Variants in BTD observed in about 807,000 individuals in gnomAD.
BTD encodes biocytinase.
BTD carries 13 observed loss-of-function variants against 17.7 expected under a neutral mutation model. That is an observed-to-expected ratio of 0.74 (90% CI 0.48 to 1.17). The LOEUF (loss-of-function observed/expected upper bound fraction) is 1.17, where lower values mean the gene tolerates loss of function less well. BTD is among the 50% of genes most tolerant of loss of function. The pLI, the probability that BTD is intolerant of heterozygous loss-of-function variation, is 0.00. For missense variants in BTD, 674 were observed against 650.4 expected, an observed-to-expected ratio of 1.04 and a Z score of -0.39; for synonymous variants, 240 against 245.2, an observed-to-expected ratio of 0.98 and a Z score of 0.20.
At chr3:15,612,695 T>G (rs953136205) in intron 1 of BTD, among the ~76,000 whole-genome samples, 2 of 152,124 alleles carry the variant, frequency 1.3e-5, no homozygotes, top group African/African-American at 4.8e-5. Flanking sequence ...TAATTTTTTT[T>G]TTTTTTGCTT....
At chr3:15,658,817 G>A (rs1309480613) in intron 3 of BTD, among the ~76,000 whole-genome samples, 2 of 152,132 alleles carry the variant, frequency 1.3e-5, no homozygotes, top group Admixed American at 1.3e-4. Context: ...ATACTTTTGG[G>A]AATCAACTCA....
chr3:15,708,475 A>G (rs889976437), intron 3 of BTD, among the ~76,000 whole-genome samples: 1 of 152,178 alleles, frequency 6.6e-6, no homozygotes, highest in Non-Finnish European at 1.5e-5. Flanking sequence ...AACAAAAGGT[A>G]AGAGAAAAAA....
intron 3 of BTD, among the ~76,000 whole-genome samples, chr3:15,671,032 G>T (rs971031132): frequency 6.6e-6 from 1 of 152,210 alleles, no homozygotes; most frequent in Non-Finnish European, 1.5e-5. Flanking sequence ...ACAGCTTCAT[G>T]AATCAGCCAC....
chr3:15,641,979 A>G lies in BTD; in HGVS notation c.321A>G (p.Pro107=). The G allele has an allele frequency of 1.2e-6, 2 of 1,614,076 alleles. No homozygotes were observed. Among genetic ancestry groups the G allele is most frequent in the Non-Finnish European group, 1.7e-6 (2 of 1,180,016 alleles). ...GFNFTRTSIY[P]FLDFMPSPQV... ...ACTTTACAAGAACATCCATTTATCC[A>G]TTTTTGGACTTCATGCCGTCTCCCC... Residue 107 remains proline, a synonymous_variant, in exon 3 of 4, where the codon CCA becomes CCG. Transcript: ENST00000643237.
chr3:15,715,548 T>G (rs1334838090), downstream of BTD, among the ~76,000 whole-genome samples: 1 of 152,182 alleles, frequency 6.6e-6, no homozygotes, highest in Non-Finnish European at 1.5e-5. Flanking sequence ...TTTACAGAAG[T>G]TCTAATCTTT....
At chr3:15,659,910 G>C (rs894549885) in intron 3 of BTD, among the ~76,000 whole-genome samples, 1 of 152,162 alleles carries the variant, frequency 6.6e-6, no homozygotes, top group African/African-American at 2.4e-5. Context: ...TGAGGTTCAG[G>C]GAGGTTTAAT....
intron 3 of BTD, chr3:15,686,248 T>G (rs1212996589): frequency 6.3e-7 from 1 of 1,593,768 alleles, no homozygotes; most frequent in Admixed American, 1.8e-5. Flanking sequence ...GAATATCCAC[T>G]GCATTCTGTG....
rs143207644 is a variant in BTD, at chr3:15,643,714, G to A, written c.400-602G>A. ...CAGTAGTGGTTGCTTTTTTCTTATTGATTTATGATAGCTGTTTATTATGGA... is the reference window on the plus strand; with the variant it reads ...CAGTAGTGGTTGCTTTTTTCTTATTAATTTATGATAGCTGTTTATTATGGA... On this transcript the variant is annotated intron_variant, in intron 3 of 3. Coordinates refer to ENST00000643237, the MANE Select transcript of BTD (RefSeq NM_001370658.1). Among the ~76,000 whole-genome samples the A allele has an allele frequency of 4.5e-3, 678 of 151,356 alleles. 7 individuals are homozygous for A. The highest frequency in any genetic ancestry group is 0.015 in the South Asian group (74 of 4,796).
chr3:15,675,479 T>C (rs2066842131), intron 3 of BTD, among the ~76,000 whole-genome samples: 1 of 152,114 alleles, frequency 6.6e-6, no homozygotes, highest in South Asian at 2.1e-4. Flanking sequence ...CGAAAAATGT[T>C]ACTCCAGGAC....
chr3:15,709,404 AG>A (rs532525520), intron 3 of BTD, among the ~76,000 whole-genome samples: 1 of 151,854 alleles, frequency 6.6e-6, no homozygotes, highest in South Asian at 2.1e-4. Context: ...TAATTTTTGG[AG>A]GGGGGGAAGT....
At chr3:15,718,814 C>T (rs1239769581) in intron 4 of BTD, among the ~76,000 whole-genome samples, 6 of 152,162 alleles carry the variant, frequency 3.9e-5, no homozygotes, top group Admixed American at 2.6e-4. Context: ...TTGGTTGTGA[C>T]GTTTGCTTTT....
chr3:15,714,544 A>AAC (rs2072763010), downstream of BTD: 4 of 1,496,708 alleles, frequency 2.7e-6, no homozygotes, highest in Non-Finnish European at 3.6e-6. Flanking sequence ...AAAAAAAAAA[A>AAC]AAACCCCAAA....
chr3:15,605,566 G>A (rs1290588174), intron 1 of BTD, among the ~76,000 whole-genome samples: 2 of 152,034 alleles, frequency 1.3e-5, no homozygotes, highest in African/African-American at 4.8e-5. Context: ...ACTCTAGAAT[G>A]TATCCATATT....
chr3:15,675,003 C>T (rs111397259), intron 3 of BTD, among the ~76,000 whole-genome samples: 2,919 of 152,208 alleles, frequency 0.019, 97 homozygotes, highest in African/African-American at 0.066. Flanking sequence ...GACGCTGTGG[C>T]TCACACCTGT....
chr3:15,645,092 A>G lies in BTD; in HGVS notation c.1176A>G (p.Glu392=). The G allele has an allele frequency of 6.2e-7, 1 of 1,614,192 alleles. No homozygotes were observed. Among genetic ancestry groups the G allele is most frequent in the Non-Finnish European group, 8.5e-7 (1 of 1,180,038 alleles). ...CCCTGGTCCCTGTCTGGGGAAAGGA[A>G]GGCTATCTCCACGTCTGTTCCAATG... ...NFTLVPVWGK[E]GYLHVCSNGL... The change falls in exon 4 of 4, where the codon GAA becomes GAG. Residue 392 remains glutamate, a synonymous_variant. Coordinates refer to ENST00000643237, the MANE Select transcript of BTD (RefSeq NM_001370658.1).
At chr3:15,694,822 G>A in intron 3 of BTD, 1 of 1,612,518 alleles carries the variant, frequency 6.2e-7, no homozygotes, top group Non-Finnish European at 8.5e-7. Context: ...AACTGAAAAA[G>A]AAGAGGCATT....
chr3:15,696,180 G>T (rs753089051), intron 3 of BTD: 1 of 1,594,824 alleles, frequency 6.3e-7, no homozygotes, highest in East Asian at 2.2e-5. Context: ...ATAATGAACT[G>T]CGTTGTATCC....
In BTD at chr3:15,635,197, G is replaced by A. The variant is rs769817565; in HGVS notation, c.-16-227G>A. ...CAAACGTTGAGTCTGTTTTGGAAATGTTCTAAAACCAGACTATTAACACAG... is the reference window on the plus strand; with the variant it reads ...CAAACGTTGAGTCTGTTTTGGAAATATTCTAAAACCAGACTATTAACACAG... On this transcript the variant is annotated intron_variant, in intron 1 of 3. Coordinates refer to ENST00000643237, the MANE Select transcript of BTD (RefSeq NM_001370658.1). This position sits in a 1 kb window ranked among gnomAD's most constrained non-coding sequence, Gnocchi z 4.1. Among the ~76,000 whole-genome samples the A allele has an allele frequency of 6.6e-6, 1 of 152,224 alleles. No individual in the cohort carries two copies. The highest frequency in any genetic ancestry group is 1.5e-5 in the Non-Finnish European group (1 of 68,036).
At chr3:15,687,030 G>A (rs1490744647) in intron 3 of BTD, among the ~76,000 whole-genome samples, 5 of 150,396 alleles carry the variant, frequency 3.3e-5, no homozygotes, top group East Asian at 3.9e-4. Context: ...TGCAACTTCC[G>A]CCTCCTGGGT....
Sources: allele counts gnomAD v4.1 joint callset (sites outside exome capture counted in the v4.1 genomes callset), GRCh38; gene constraint gnomAD v4.1.1; non-coding constraint Gnocchi (gnomAD v3.1); transcripts MANE v1.5; gene names NCBI Gene and HGNC (gene_info 2026-07-23, HGNC 2026-07-21).